The following COL11A1 variants were observed in gnomAD, a reference collection of about 807,000 sequenced individuals.
COL11A1 encodes the protein collagen type XI alpha 1 chain.
In COL11A1, 74 loss-of-function variants were observed where a neutral mutation model predicts 265.2. The observed-to-expected ratio is 0.28, with a 90% CI of 0.23 to 0.34. The LOEUF is 0.34. COL11A1 is among the 10% of genes least tolerant of loss of function. The pLI is 1.00. For synonymous variants in COL11A1, 816 were observed against 727.6 expected (o/e 1.12, Z -1.96); for missense variants, 2,165 against 2,263.6 (o/e 0.96, Z 0.88).
intron 4 of COL11A1, among the ~76,000 whole-genome samples, chr1:103,036,857 T>C (rs965957811): frequency 2.6e-5 from 4 of 152,102 alleles, no homozygotes; most frequent in African/African-American, 9.7e-5. Flanking sequence ...TTGATGCAAT[T>C]ACTTTGTGAT....
chr1:102,952,918 T>C (rs987870063), intron 41 of COL11A1, among the ~76,000 whole-genome samples: 1 of 152,182 alleles, frequency 6.6e-6, no homozygotes, highest in Non-Finnish European at 1.5e-5. Flanking sequence ...AAGCCCAATA[T>C]GAAAAGAAGG....
chr1:103,002,811 T>G lies in COL11A1; in HGVS notation c.1999-20A>C. ...CATACCCTGCAATGAAGAAAAAGTA[T>G]TTATGGTTGTTTATATGTTTTGATG... On this transcript the variant is annotated intron_variant, in intron 21 of 66. Transcript: ENST00000370096. 6.2e-7 allele frequency: 1 copy of G among 1,608,996 alleles called. No individual in the cohort carries two copies. The highest frequency in any genetic ancestry group is 8.5e-7 in the Non-Finnish European group (1 of 1,175,532).
At chr1:102,928,458 T>C (rs61813929) in intron 46 of COL11A1, among the ~76,000 whole-genome samples, 9 of 152,004 alleles carry the variant, frequency 5.9e-5, no homozygotes, top group Non-Finnish European at 1.0e-4. Context: ...GCATAGTATT[T>C]CATGGTGTAT....
chr1:102,879,960 C>T, intron 65 of COL11A1, 44 bp from the exon 66 acceptor site: 1 of 1,263,476 alleles, frequency 7.9e-7, no homozygotes, highest in Non-Finnish European at 1.2e-6. Context: ...CTCTTTTCCT[C>T]TTTTATGCTA....
chr1:103,107,028 C>G (rs1674745431), intron 1 of COL11A1, among the ~76,000 whole-genome samples: 2 of 152,304 alleles, frequency 1.3e-5, no homozygotes, highest in East Asian at 1.9e-4. Flanking sequence ...TGTCTGGGCT[C>G]CCTGACCTCC....
chr1:102,898,265 G>C (rs1652701601), intron 56 of COL11A1, 87 bp from the exon 57 acceptor site: 3 of 580,422 alleles, frequency 5.2e-6, no homozygotes, highest in Non-Finnish European at 7.4e-6. Context: ...AATACAATAA[G>C]AAAACAAAGG....
At chr1:102,995,840 A>G in intron 28 of COL11A1, 24 bp downstream of exon 28, 1 of 1,570,326 alleles carries the variant, frequency 6.4e-7, no homozygotes, top group Non-Finnish European at 8.8e-7. Flanking sequence ...AGAAATTAAT[A>G]CCATCTAAAC....
chr1:102,925,614 A>G (rs1004720786), intron 46 of COL11A1, among the ~76,000 whole-genome samples: 1 of 152,084 alleles, frequency 6.6e-6, no homozygotes, highest in Non-Finnish European at 1.5e-5. Flanking sequence ...TTATAAGTGA[A>G]GTTTCTGGAA....
chr1:102,994,325 T>TCG (rs370255696), intron 28 of COL11A1, among the ~76,000 whole-genome samples: 1 of 212 alleles, frequency 4.7e-3, no homozygotes, highest in Admixed American at 0.25. Context: ...TGGATTTCCA[T>TCG]TGAATGGTTT....
At chr1:103,048,618 A>C (rs1669517934) in intron 4 of COL11A1, among the ~76,000 whole-genome samples, 1 of 151,742 alleles carries the variant, frequency 6.6e-6, no homozygotes, top group African/African-American at 2.4e-5. Flanking sequence ...CTCTAATCTT[A>C]GTTATTTCTT....
At chr1:102,898,568 A>G (rs1652744839) in intron 56 of COL11A1, 98 bp downstream of exon 56, 1 of 871,264 alleles carries the variant, frequency 1.1e-6, no homozygotes, top group Non-Finnish European at 1.9e-6. Flanking sequence ...CCACGTTATA[A>G]CTTATGAAAT....
At chr1:103,107,825 C>T (rs1674828429) in intron 1 of COL11A1, among the ~76,000 whole-genome samples, 2 of 152,102 alleles carry the variant, frequency 1.3e-5, no homozygotes, top group Admixed American at 6.5e-5. Flanking sequence ...TTTCAGCAGG[C>T]TCTCCTCCTG....
At chr1:103,046,451 T>A (rs1401610709) in intron 4 of COL11A1, among the ~76,000 whole-genome samples, 1 of 151,716 alleles carries the variant, frequency 6.6e-6, no homozygotes, top group Non-Finnish European at 1.5e-5. Flanking sequence ...TTGATGGGGT[T>A]GTTAGTTTTT....
intron 61 of COL11A1, 38 bp from the exon 62 acceptor site, chr1:102,888,668 G>C (rs1340766430): frequency 6.2e-7 from 1 of 1,613,406 alleles, no homozygotes; most frequent in East Asian, 2.2e-5. Flanking sequence ...ATAAAGAAGA[G>C]GCAATTAAAT....
intron 4 of COL11A1, among the ~76,000 whole-genome samples, chr1:103,038,087 A>C (rs1668513951): frequency 6.6e-6 from 1 of 152,168 alleles, no homozygotes; most frequent in African/African-American, 2.4e-5. Flanking sequence ...AGTTAGCCTA[A>C]TGAAGGGGAT....
chr1:103,006,575 T>C (rs1198348011), intron 15 of COL11A1, among the ~76,000 whole-genome samples: 3 of 132,004 alleles, frequency 2.3e-5, no homozygotes, highest in Non-Finnish European at 4.7e-5. Flanking sequence ...TCTAGCTCTG[T>C]CGCCTAGGCT....
At chr1:102,943,564 G>T (rs1381159474) in intron 42 of COL11A1, among the ~76,000 whole-genome samples, 3 of 151,708 alleles carry the variant, frequency 2.0e-5, no homozygotes, top group African/African-American at 7.3e-5. Flanking sequence ...ATTAAGACTT[G>T]AGTCCAGGCT....
At chr1:103,096,923 A>AT (rs1673821147) in intron 1 of COL11A1, among the ~76,000 whole-genome samples, 1 of 151,936 alleles carries the variant, frequency 6.6e-6, no homozygotes, top group Non-Finnish European at 1.5e-5. Context: ...TTATTTTAAC[A>AT]TTTTTCTCAT....
At chr1:103,057,294 A>T (rs991891608) in intron 4 of COL11A1, among the ~76,000 whole-genome samples, 5 of 152,290 alleles carry the variant, frequency 3.3e-5, no homozygotes, top group South Asian at 4.1e-4. Flanking sequence ...GAAGCAACTC[A>T]TCTGTTCAAG....
Sources: gnomAD v4.1 joint callset for allele counts (sites outside exome capture counted in the v4.1 genomes callset) on GRCh38, gnomAD v4.1.1 for gene constraint, MANE v1.5 for transcripts, NCBI Gene and HGNC (gene_info 2026-07-23, HGNC 2026-07-21) for gene names.